SLC8A1: variants seen among roughly 807,000 people sequenced by gnomAD.
SLC8A1 encodes sodium/calcium exchanger 1.
Under a neutral mutation model 68.3 loss-of-function variants are expected in SLC8A1, and 18 were observed. That is an observed-to-expected ratio of 0.26 (90% confidence interval 0.18 to 0.39). The LOEUF is 0.39. SLC8A1 is among the 10% of genes least tolerant of loss of function. The pLI, the probability that SLC8A1 is intolerant of heterozygous loss-of-function variation, is 1.00. For synonymous variants in SLC8A1, 475 were observed against 415.5 expected, an observed-to-expected ratio of 1.14 and a Z score of -1.74; for missense variants, 985 against 1,156.7, an observed-to-expected ratio of 0.85 and a Z score of 2.15.
chr2:40,178,347 G>A (rs1247718332), intron 2 of SLC8A1, 40 bp downstream of exon 3: 4 of 1,503,454 alleles, frequency 2.7e-6, no homozygotes, highest in Non-Finnish European at 3.7e-6. Flanking sequence ...GCACAGGCCA[G>A]CAGAAGCTGT....
At chr2:40,485,648 C>T (rs1218931294) in intron 1 of SLC8A1, among the ~76,000 whole-genome samples, 1 of 152,080 alleles carries the variant, frequency 6.6e-6, no homozygotes, top group Admixed American at 6.5e-5. Flanking sequence ...TGAAAACACA[C>T]ACTAAAAATG....
chr2:40,314,060 A>G (rs914103881), intron 2 of SLC8A1, among the ~76,000 whole-genome samples: 3 of 152,064 alleles, frequency 2.0e-5, no homozygotes. Flanking sequence ...TTTTGGATAA[A>G]GAATCTAGGA....
chr2:40,381,484 T>G (rs182824620), intron 2 of SLC8A1, among the ~76,000 whole-genome samples: 1 of 151,880 alleles, frequency 6.6e-6, no homozygotes, highest in Admixed American at 6.6e-5. Flanking sequence ...CCAGAACAGG[T>G]TTCTTTCTCT....
intron 6 of SLC8A1, among the ~76,000 whole-genome samples, chr2:40,142,310 A>C (rs2041716911): frequency 6.6e-6 from 1 of 152,168 alleles, no homozygotes; most frequent in Non-Finnish European, 1.5e-5. Context: ...ACATTAATAC[A>C]TTCCCATTCC....
chr2:40,427,636 A>C (rs1435742410), intron 2 of SLC8A1, among the ~76,000 whole-genome samples: 1 of 152,152 alleles, frequency 6.6e-6, no homozygotes, highest in African/African-American at 2.4e-5. Context: ...TCAGTCGAAG[A>C]ATCACTTAAC....
chr2:40,174,946 A>C, intron 3 of SLC8A1, 104 bp from the exon 5 acceptor site: 1 of 1,048,562 alleles, frequency 9.5e-7, no homozygotes, highest in South Asian at 1.4e-5. Context: ...TACTTGCCAA[A>C]TTATATTTAC....
At chr2:40,440,908 T>C (rs924802811) in intron 1 of SLC8A1, among the ~76,000 whole-genome samples, 1 of 152,108 alleles carries the variant, frequency 6.6e-6, no homozygotes, top group East Asian at 1.9e-4. Context: ...TGTTCAACAT[T>C]GTATTGGAAG....
At chr2:40,449,337 A>G (rs975309029) in intron 1 of SLC8A1, among the ~76,000 whole-genome samples, 4 of 152,316 alleles carry the variant, frequency 2.6e-5, no homozygotes, top group Admixed American at 6.5e-5. Flanking sequence ...TGTCAAAGAA[A>G]TAGATTGAAT....
At chr2:40,205,314 C>G (rs1197997625) in intron 2 of SLC8A1, among the ~76,000 whole-genome samples, 4 of 151,940 alleles carry the variant, frequency 2.6e-5, no homozygotes, top group Non-Finnish European at 1.5e-5. Context: ...ATAAGGCCCT[C>G]TCTCTAGCCT....
intron 2 of SLC8A1, among the ~76,000 whole-genome samples, chr2:40,355,123 G>A (rs1260828370): frequency 6.6e-6 from 1 of 152,180 alleles, no homozygotes; most frequent in Non-Finnish European, 1.5e-5. Context: ...ATGGGGAGGA[G>A]TTAAAGTAAT....
At chr2:40,240,824 A>G (rs2061120169) in intron 2 of SLC8A1, among the ~76,000 whole-genome samples, 1 of 152,148 alleles carries the variant, frequency 6.6e-6, no homozygotes, top group Non-Finnish European at 1.5e-5. Context: ...GCTGCAGTGA[A>G]CCATGATCAT....
At chr2:40,141,093 A>G (rs2110920) in intron 6 of SLC8A1, among the ~76,000 whole-genome samples, 148,490 of 152,278 alleles carry the variant, frequency 0.98, 72,532 homozygotes, top group East Asian at 1. Flanking sequence ...TTGTTGACCC[A>G]TTCCAACCTT....
At chr2:40,215,964 T>C (rs1316916052) in intron 2 of SLC8A1, among the ~76,000 whole-genome samples, 3 of 151,420 alleles carry the variant, frequency 2.0e-5, no homozygotes, top group South Asian at 2.1e-4. Context: ...CCAGAATTAA[T>C]TGCCAATGGG....
At chr2:40,103,145 A>G (rs2033997407) in exon 8 of SLC8A1, 1 of 152,172 alleles carries the variant, frequency 6.6e-6, no homozygotes, top group African/African-American at 2.4e-5. Context: ...GTTTCCAATG[A>G]CATTCTAACT....
intron 2 of SLC8A1, among the ~76,000 whole-genome samples, chr2:40,356,245 G>T (rs1011278016): frequency 1.3e-5 from 2 of 152,088 alleles, no homozygotes; most frequent in African/African-American, 4.8e-5. Context: ...CCTTAAGTGT[G>T]AAGACTAATT....
At chr2:40,139,522 G>T (rs774467752) in exon 7 of SLC8A1, 1 of 1,614,174 alleles carries the variant, frequency 6.2e-7, no homozygotes, top group Non-Finnish European at 8.5e-7. Flanking sequence ...CAATCATGAG[G>T]ATGGAGACAA....
At chr2:40,460,831 C>T (rs774486819) in intron 1 of SLC8A1, among the ~76,000 whole-genome samples, 19 of 151,654 alleles carry the variant, frequency 1.3e-4, no homozygotes, top group Non-Finnish European at 2.5e-4. Context: ...CCTCAGCCTC[C>T]CTAAGTGCTG....
At chr2:40,374,536 G>A (rs149882248) in intron 2 of SLC8A1, among the ~76,000 whole-genome samples, 23 of 152,092 alleles carry the variant, frequency 1.5e-4, no homozygotes, top group African/African-American at 4.3e-4. Context: ...ATTACAGCAA[G>A]GGAAATTAAC....
intron 6 of SLC8A1, among the ~76,000 whole-genome samples, chr2:40,154,260 A>G (rs1161483470): frequency 6.6e-6 from 1 of 151,982 alleles, no homozygotes; most frequent in Admixed American, 6.6e-5. Flanking sequence ...AACATTAAAC[A>G]AAAAGTGGGC....
Sources: gnomAD v4.1 joint callset for allele counts (sites outside exome capture counted in the v4.1 genomes callset) on GRCh38, gnomAD v4.1.1 for gene constraint, MANE v1.5 for transcripts, NCBI Gene and HGNC (gene_info 2026-07-23, HGNC 2026-07-21) for gene names.